PDE7A: variants seen among roughly 807,000 people sequenced by gnomAD.
The protein encoded by PDE7A is high affinity 3',5'-cyclic-AMP phosphodiesterase 7A.
PDE7A carries 39 observed loss-of-function variants against 64.3 expected under a neutral mutation model. The ratio of observed to expected loss-of-function variants is 0.61; its 90% confidence interval spans 0.47 to 0.79. PDE7A has a LOEUF of 0.79. Ranked by LOEUF, PDE7A falls within the 30% of genes least tolerant of loss-of-function variation. The pLI, the probability that PDE7A is intolerant of heterozygous loss-of-function variation, is 0.00. For missense variants in PDE7A, 470 were observed against 582.8 expected (o/e 0.81, Z 1.99); for synonymous variants, 203 against 206.8 (o/e 0.98, Z 0.16).
At chr8:65,811,188 G>T (rs752253470) in intron 1 of PDE7A, among the ~76,000 whole-genome samples, 3 of 152,140 alleles carry the variant, frequency 2.0e-5, no homozygotes, top group Non-Finnish European at 1.5e-5. Context: ...CAGGTTCCCA[G>T]CAGAAAACTG....
intron 1 of PDE7A, among the ~76,000 whole-genome samples, chr8:65,798,204 A>T (rs7008513): frequency 0.1 from 3,972 of 38,122 alleles, 146 homozygotes; most frequent in African/African-American, 0.24. Context: ...ATATATATAT[A>T]TATTTTTTTT....
chr8:65,802,358 T>TA (rs1244141830), intron 1 of PDE7A, among the ~76,000 whole-genome samples: 4 of 152,082 alleles, frequency 2.6e-5, no homozygotes, highest in Non-Finnish European at 5.9e-5. Flanking sequence ...TTTACCACAA[T>TA]AAAAAAATGC....
chr8:65,820,067 T>C (rs1810505235), intron 1 of PDE7A, among the ~76,000 whole-genome samples: 1 of 152,240 alleles, frequency 6.6e-6, no homozygotes, highest in African/African-American at 2.4e-5. Flanking sequence ...TATCTTATTA[T>C]GAAGACTAAG....
chr8:65,761,424 T>TA (rs1808489138), intron 3 of PDE7A, among the ~76,000 whole-genome samples: 1 of 152,196 alleles, frequency 6.6e-6, no homozygotes, highest in African/African-American at 2.4e-5. Flanking sequence ...TTTCACAGCA[T>TA]AATGCACAAC....
chr8:65,805,651 G>A (rs948931455), intron 1 of PDE7A, among the ~76,000 whole-genome samples: 3 of 152,052 alleles, frequency 2.0e-5, no homozygotes, highest in South Asian at 2.1e-4. Context: ...TCTGAATCAC[G>A]TACACCCCTT....
At chr8:65,763,943 C>T (rs1370904624) in intron 3 of PDE7A, among the ~76,000 whole-genome samples, 1 of 152,182 alleles carries the variant, frequency 6.6e-6, no homozygotes, top group Non-Finnish European at 1.5e-5. Context: ...ATTTAGAAGA[C>T]AGAACATTCT....
chr8:65,798,590 T>C (rs558002039), intron 1 of PDE7A, among the ~76,000 whole-genome samples: 2 of 152,178 alleles, frequency 1.3e-5, no homozygotes, highest in East Asian at 1.9e-4. Flanking sequence ...CGAGTCACAA[T>C]AGAAGATATA....
chr8:65,840,765 A>G (rs1811060790), intron 1 of PDE7A, among the ~76,000 whole-genome samples: 2 of 152,264 alleles, frequency 1.3e-5, no homozygotes, highest in African/African-American at 4.8e-5. Flanking sequence ...CTCCTTATCA[A>G]ATTAAAAACA....
chr8:65,771,746 G>C (rs1452314822), intron 3 of PDE7A, among the ~76,000 whole-genome samples: 4 of 151,890 alleles, frequency 2.6e-5, no homozygotes, highest in Non-Finnish European at 5.9e-5. Context: ...GTGGTGGTGG[G>C]TGCCTGTAAT....
At chr8:65,786,286 CA>C (rs1809557703) in intron 1 of PDE7A, among the ~76,000 whole-genome samples, 1 of 152,044 alleles carries the variant, frequency 6.6e-6, no homozygotes, top group Admixed American at 6.6e-5. Context: ...GAAATAAATC[CA>C]AATGAGACCA....
At chr8:65,817,538 T>C (rs973308647) in intron 1 of PDE7A, among the ~76,000 whole-genome samples, 2 of 152,218 alleles carry the variant, frequency 1.3e-5, no homozygotes, top group Admixed American at 6.5e-5. Flanking sequence ...ATCATGTCTC[T>C]TTGATCTCCT....
chr8:65,733,927 T>C (rs1279823266), intron 7 of PDE7A, among the ~76,000 whole-genome samples: 1 of 152,126 alleles, frequency 6.6e-6, no homozygotes, highest in Non-Finnish European at 1.5e-5. Context: ...AGAGATGGGA[T>C]AGGCAGACAT....
chr8:65,727,272 G>A lies in PDE7A; in HGVS notation c.726C>T (p.Ile242=). ...KLANSVTPWD[I]LLSLIAAATH... is the part of the protein sequence containing the mutation. ...TGGCAGCTGCAATTAAGCTCAGCAA[G>A]ATATCCCAAGGAGTTACAGAATTGG... Residue 242 remains isoleucine (I), a synonymous_variant, in exon 8 of 13, where the codon ATC becomes ATT. Coordinates refer to ENST00000401827, the MANE Select transcript of PDE7A (RefSeq NM_001242318.3). 2 of 1,613,292 alleles carry A rather than the reference G, an allele frequency of 1.2e-6. No individual in the cohort carries two copies. Among genetic ancestry groups the A allele is most frequent in the Non-Finnish European group, 1.7e-6 (2 of 1,179,298 alleles).
At chr8:65,833,649 C>T (rs187196762) in intron 1 of PDE7A, among the ~76,000 whole-genome samples, 4 of 152,226 alleles carry the variant, frequency 2.6e-5, no homozygotes, top group African/African-American at 7.2e-5. Flanking sequence ...CTTAATCTCA[C>T]GGAGTTTTTG....
rs1346427549 is a variant in PDE7A at position 65,799,996 on chromosome 8, G to A, written c.139-17153C>T. Among the ~76,000 whole-genome samples, 3 of 152,188 alleles carry A rather than the reference G, an allele frequency of 2.0e-5. No homozygotes were observed. The East Asian group carries it at 5.8e-4, about 29-fold the overall frequency. The stretch of plus-strand genomic sequence containing the variant: ...TAAGTTCCTTCAAGGGAAATTCCAG[G>A]CATCTAGCTAGCCCCAGAGGTAACT... On this transcript the variant is annotated intron_variant, in intron 1 of 12. Coordinates refer to ENST00000401827, the MANE Select transcript of PDE7A (RefSeq NM_001242318.3).
chr8:65,800,165 C>A (rs555707072), intron 1 of PDE7A, among the ~76,000 whole-genome samples: 1 of 152,242 alleles, frequency 6.6e-6, no homozygotes, highest in African/African-American at 2.4e-5. Flanking sequence ...TCGGACCCCC[C>A]ACCTAACAGA....
At chr8:65,831,940 A>T (rs1585955590) in intron 1 of PDE7A, among the ~76,000 whole-genome samples, 1 of 152,262 alleles carries the variant, frequency 6.6e-6, no homozygotes, top group Non-Finnish European at 1.5e-5. Flanking sequence ...AAAATAACTT[A>T]TAATTTCACC....
chr8:65,760,975 A>T (rs1808462788), intron 3 of PDE7A, among the ~76,000 whole-genome samples: 1 of 152,244 alleles, frequency 6.6e-6, no homozygotes, highest in South Asian at 2.1e-4. Context: ...ATGAGAATTT[A>T]ACTAGTACTT....
At chr8:65,822,964 T>G (rs974006978) in intron 1 of PDE7A, among the ~76,000 whole-genome samples, 1 of 152,078 alleles carries the variant, frequency 6.6e-6, no homozygotes, top group African/African-American at 2.4e-5. Context: ...TATCTATCTA[T>G]ATACACAAAC....
Sources: allele counts gnomAD v4.1 joint callset (sites outside exome capture counted in the v4.1 genomes callset), GRCh38; gene constraint gnomAD v4.1.1; transcripts MANE v1.5; gene names NCBI Gene and HGNC (gene_info 2026-07-23, HGNC 2026-07-21).